Variants in PIEZO2 observed in about 807,000 individuals in gnomAD.
PIEZO2 encodes the protein piezo-type mechanosensitive ion channel component 2.
Under a neutral mutation model 337.3 loss-of-function variants are expected in PIEZO2, and 172 were observed. The observed-to-expected ratio is 0.51, with a 90% CI of 0.45 to 0.58. The LOEUF (loss-of-function observed/expected upper bound fraction) is 0.58, where lower values mean the gene tolerates loss of function less well. PIEZO2 is among the 20% of genes least tolerant of loss of function. The pLI is 0.00. For missense variants in PIEZO2, 3,028 were observed against 3,391.3 expected, an observed-to-expected ratio of 0.89 and a Z score of 2.66; for synonymous variants, 1,251 against 1,228.5, an observed-to-expected ratio of 1.02 and a Z score of -0.38.
At chr18:11,030,984 T>A (rs60096553) in intron 2 of PIEZO2, among the ~76,000 whole-genome samples, 17,882 of 144,456 alleles carry the variant, frequency 0.12, 1,113 homozygotes, top group Middle Eastern at 0.16. Context: ...AAGTTGCTTC[T>A]GGAATTTTGT....
At chr18:10,841,929 GGGTGGATCACTA>G (rs1280467267) in intron 7 of PIEZO2, among the ~76,000 whole-genome samples, 8 of 152,174 alleles carry the variant, frequency 5.3e-5, no homozygotes, top group Middle Eastern at 3.4e-3. Context: ...TTTGGGAGAC[GGGTGGATCACTA>G]GGTCAGGAGA....
At chr18:10,751,246 A>G (rs980429714) in intron 28 of PIEZO2, among the ~76,000 whole-genome samples, 5 of 152,214 alleles carry the variant, frequency 3.3e-5, no homozygotes, top group South Asian at 4.1e-4. Context: ...AGTGCTCAGT[A>G]AAAAACAGGT....
At chr18:11,061,384 T>C (rs2037949573) in intron 2 of PIEZO2, among the ~76,000 whole-genome samples, 1 of 150,514 alleles carries the variant, frequency 6.6e-6, no homozygotes, top group South Asian at 2.2e-4. Flanking sequence ...CTATTCAACA[T>C]AGTGTTGGAA....
At chr18:10,778,189 T>C (rs2038854718) in intron 18 of PIEZO2, among the ~76,000 whole-genome samples, 1 of 152,220 alleles carries the variant, frequency 6.6e-6, no homozygotes, top group Admixed American at 6.5e-5. Context: ...AGCAAGCTTA[T>C]ATACTTTATT....
chr18:10,894,192 C>G lies in PIEZO2; in HGVS notation c.329+16994G>C, dbSNP rs1327237059. On this transcript the variant is annotated intron_variant, in intron 4 of 55. Coordinates refer to ENST00000674853, the MANE Select transcript of PIEZO2 (RefSeq NM_001378183.1). This position sits in a 1 kb window ranked among gnomAD's most constrained non-coding sequence, Gnocchi z 4.1. ...AATGGGCCAAGTGCGGTGGCTCACA[C>G]CTGTAATCCCAGCACTCTGGAAGGC... is the stretch of plus-strand genomic sequence containing the variant. Among the ~76,000 whole-genome samples the G allele has an allele frequency of 6.6e-6, 1 of 152,150 alleles. No homozygotes were observed. The highest frequency in any genetic ancestry group is 1.5e-5 in the Non-Finnish European group (1 of 68,038).
In PIEZO2 at chr18:10,794,854, T is replaced by C; in HGVS notation, c.1676A>G (p.Tyr559Cys). Residue 559 changes from tyrosine to cysteine, a missense_variant, in exon 13 of 56, where the codon TAT becomes TGT. This residue lies in a region of PIEZO2 where 50 missense variants were observed against 88.2 expected (regional missense o/e 0.57). Transcript: ENST00000674853. This position sits in a 1 kb window ranked among gnomAD's most constrained non-coding sequence, Gnocchi z 6.6. ...TTCAGGAAGTTCAAAACTCCATATATACTGTAATATCAACAATAGGTTTCC... is the reference window on the plus strand; with the variant it reads ...TTCAGGAAGTTCAAAACTCCATATACACTGTAATATCAACAATAGGTTTCC... The part of the protein sequence containing the change: ...VYGNLLLILQ[Y>C]IWSFELPEIK... The C allele has an allele frequency of 6.5e-7, 1 of 1,537,196 alleles. No homozygotes were observed. The highest frequency in any genetic ancestry group is 8.7e-7 in the Non-Finnish European group (1 of 1,146,680).
chr18:10,715,245 A>G (rs1432567198), intron 38 of PIEZO2, among the ~76,000 whole-genome samples: 4 of 152,190 alleles, frequency 2.6e-5, no homozygotes. Context: ...CCTACTTTTT[A>G]TTATAAAAAA....
At chr18:10,728,611 A>G (rs1367676719) in intron 36 of PIEZO2, 1 of 152,222 alleles carries the variant, frequency 6.6e-6, no homozygotes, top group Non-Finnish European at 1.5e-5. Flanking sequence ...AGAAATGTTC[A>G]TGACATTGGT....
At position 10,716,946 on chromosome 18, in the gene PIEZO2, A is replaced by G. The variant is rs1383067441; in HGVS notation, c.5090-1130T>C. Among the ~76,000 whole-genome samples the G allele has an allele frequency of 1.3e-5, 2 of 152,164 alleles. No homozygotes were observed. The highest frequency in any genetic ancestry group is 2.9e-5 in the Non-Finnish European group (2 of 68,034). The stretch of plus-strand genomic sequence containing the variant: ...TGCAGCCACCGCACTGGAGACGTGA[A>G]TCACAGGCGCTTTGTGAACCTGGGT... On this transcript the variant is annotated intron_variant, in intron 37 of 55. Coordinates refer to ENST00000674853, the MANE Select transcript of PIEZO2 (RefSeq NM_001378183.1). This position sits in a 1 kb window ranked among gnomAD's most constrained non-coding sequence, Gnocchi z 4.1.
Position 10,855,514 on chromosome 18 carries a change from A to C in PIEZO2, c.756T>G (p.Gly252=). 3.3e-6 allele frequency: 5 copies of C among 1,537,054 alleles called. No individual in the cohort carries two copies. The highest frequency in any genetic ancestry group is 4.4e-6 in the Non-Finnish European group (5 of 1,146,900). Residue 252 remains glycine, a synonymous_variant, in exon 7 of 56, where the codon GGT becomes GGG. Transcript: ENST00000674853. This position sits in a 1 kb window ranked among gnomAD's most constrained non-coding sequence, Gnocchi z 4.9. ...TSSVYFFVFL[G]LCTWWSWCRT... Reference sequence around the variant, plus strand: ...GGCACCAGGACCACCAGGTGCACAGACCCAAAAATACAAAAAAATACACAG... The same window carrying C: ...GGCACCAGGACCACCAGGTGCACAGCCCCAAAAATACAAAAAAATACACAG...
At chr18:10,901,416 TCA>T (rs1253878950) in intron 4 of PIEZO2, among the ~76,000 whole-genome samples, 6 of 120,318 alleles carry the variant, frequency 5.0e-5, no homozygotes, top group Admixed American at 9.2e-5. Flanking sequence ...CTACTTCTAT[TCA>T]CACACACACA....
intron 2 of PIEZO2, among the ~76,000 whole-genome samples, chr18:11,040,366 TA>T (rs1361395283): frequency 6.6e-6 from 1 of 152,204 alleles, no homozygotes; most frequent in African/African-American, 2.4e-5. Context: ...TCTTAAGTCC[TA>T]ACTAAGAAAA....
chr18:10,957,972 A>G (rs1886806392), intron 3 of PIEZO2, among the ~76,000 whole-genome samples: 1 of 152,230 alleles, frequency 6.6e-6, no homozygotes, highest in African/African-American at 2.4e-5. Context: ...ACACCACTTC[A>G]TGCCTGTTAG....
intron 3 of PIEZO2, among the ~76,000 whole-genome samples, chr18:10,916,584 G>T (rs2030986319): frequency 1.3e-5 from 2 of 152,270 alleles, no homozygotes; most frequent in South Asian, 4.1e-4. Flanking sequence ...TGAGTGTGGG[G>T]TCCGTGAGGC....
intron 7 of PIEZO2, among the ~76,000 whole-genome samples, chr18:10,829,967 C>T (rs2040794786): frequency 6.7e-6 from 1 of 149,100 alleles, no homozygotes; most frequent in Admixed American, 6.7e-5. Context: ...TATGGAACCA[C>T]AAAAGACCCA....
intron 7 of PIEZO2, among the ~76,000 whole-genome samples, chr18:10,814,007 G>A (rs916440707): frequency 5.3e-5 from 8 of 151,314 alleles, no homozygotes; most frequent in Non-Finnish European, 1.2e-4. Flanking sequence ...TTGCTCTGTG[G>A]CCCAGGCTGG....
chr18:10,881,638 C>T (rs190901329), intron 4 of PIEZO2, among the ~76,000 whole-genome samples: 1 of 152,172 alleles, frequency 6.6e-6, no homozygotes, highest in African/African-American at 2.4e-5. Context: ...GGTATAAATG[C>T]TGCAAATCAG....
In PIEZO2 at chr18:11,129,331, G is replaced by A. The variant is rs1478479124; in HGVS notation, c.64+19194C>T. ...AAGTGGCAGCACTCAACTGTCAAAG[G>A]CAAGGTAGGCGTAGCTACCATAATG... On this transcript the variant is annotated intron_variant, in intron 1 of 55. Transcript: ENST00000674853. This position sits in a 1 kb window ranked among gnomAD's most constrained non-coding sequence, Gnocchi z 4.6. Among the ~76,000 whole-genome samples, 1 of 152,148 alleles carries A rather than the reference G, an allele frequency of 6.6e-6. No homozygotes were observed. The highest frequency in any genetic ancestry group is 2.4e-5 in the African/African-American group (1 of 41,422).
At chr18:11,014,726 GGTGGGCACTTCACCCTGTGTGGGACAGCA>G (rs2036040306) in intron 2 of PIEZO2, among the ~76,000 whole-genome samples, 1 of 139,470 alleles carries the variant, frequency 7.2e-6, no homozygotes, top group Non-Finnish European at 1.5e-5. Flanking sequence ...ATTCCTCACT[GGTGGGCACTTCACCCTGTGTGGGACAGCA>G]ATCCGGGGCC....
Sources: allele counts gnomAD v4.1 joint callset (sites outside exome capture counted in the v4.1 genomes callset), GRCh38; gene constraint gnomAD v4.1.1; regional missense constraint gnomAD v4.1.1; non-coding constraint Gnocchi (gnomAD v3.1); transcripts MANE v1.5; gene names NCBI Gene and HGNC (gene_info 2026-07-23, HGNC 2026-07-21).